The following CTNNA3 variants were observed in gnomAD, a reference collection of about 807,000 sequenced individuals.
The protein encoded by CTNNA3 is catenin alpha-3.
Under a neutral mutation model 95.7 loss-of-function variants are expected in CTNNA3, and 76 were observed. The observed-to-expected ratio is 0.79, with a 90% CI of 0.66 to 0.96. The LOEUF (loss-of-function observed/expected upper bound fraction) is 0.96. Among genes scored for constraint, CTNNA3 ranks in the 40% least tolerant of loss-of-function variants. CTNNA3 has a pLI of 0.00. For missense variants in CTNNA3, 1,191 were observed against 1,089.8 expected (o/e 1.09, Z -1.31); for synonymous variants, 431 against 374.4 (o/e 1.15, Z -1.74).
At chr10:66,850,528 A>G (rs946793575) in intron 7 of CTNNA3, among the ~76,000 whole-genome samples, 1 of 152,158 alleles carries the variant, frequency 6.6e-6, no homozygotes, top group Non-Finnish European at 1.5e-5. Flanking sequence ...TTTGTTAACC[A>G]ATGCATAGTG....
At chr10:67,596,002 T>C (rs1842923481) in intron 3 of CTNNA3, among the ~76,000 whole-genome samples, 1 of 152,192 alleles carries the variant, frequency 6.6e-6, no homozygotes, top group Non-Finnish European at 1.5e-5. Flanking sequence ...CATCCCTTTA[T>C]TTTGAACATA....
At chr10:66,671,652 G>A (rs1846666447) in intron 9 of CTNNA3, among the ~76,000 whole-genome samples, 1 of 152,118 alleles carries the variant, frequency 6.6e-6, no homozygotes, top group East Asian at 1.9e-4. Context: ...GGCAACATGA[G>A]TTTCACACAG....
intron 2 of CTNNA3, among the ~76,000 whole-genome samples, chr10:67,646,222 G>A (rs1422263914): frequency 7.1e-6 from 1 of 140,670 alleles, no homozygotes; most frequent in East Asian, 2.1e-4. Flanking sequence ...TCACTATGTT[G>A]CCCAGGCTGG....
intron 7 of CTNNA3, among the ~76,000 whole-genome samples, chr10:66,965,010 G>A (rs896595646): frequency 6.6e-5 from 10 of 152,122 alleles, no homozygotes; most frequent in Non-Finnish European, 1.0e-4. Context: ...AGATTGCCAC[G>A]TTCCACTCTT....
At chr10:67,682,426 T>C (rs922124175) in intron 1 of CTNNA3, among the ~76,000 whole-genome samples, 2 of 151,970 alleles carry the variant, frequency 1.3e-5, no homozygotes, top group African/African-American at 2.4e-5. Context: ...TTAGAAATTG[T>C]TCAACTATAC....
At chr10:66,787,657 C>T (rs911428703) in intron 7 of CTNNA3, among the ~76,000 whole-genome samples, 8 of 152,048 alleles carry the variant, frequency 5.3e-5, no homozygotes, top group African/African-American at 1.9e-4. Context: ...AGTGACAAGC[C>T]ACAACTAACG....
chr10:67,750,304 C>T lies in CTNNA3; in HGVS notation c.-2+13130G>A. On this transcript the variant is annotated intron_variant, in intron 1 of 17. Coordinates refer to the CTNNA3 transcript ENST00000684154. ...CAACCATGGCCATCTTTGTGGAGCTCAATACCAAAGCCAAGATGCCCATTG... is the reference window on the plus strand; with the variant it reads ...CAACCATGGCCATCTTTGTGGAGCTTAATACCAAAGCCAAGATGCCCATTG... 3.9e-6 allele frequency: 6 copies of T among 1,524,774 alleles called. No individual in the cohort carries two copies. In the South Asian group the frequency reaches 6.7e-5, roughly 17 times the overall value. 94.5% of individuals were successfully genotyped at this position (1,524,774 alleles called of 1,614,324 possible). A position where few individuals can be genotyped will look rare whatever the true frequency, so the allele number is the denominator to read the frequency against.
intron 7 of CTNNA3, among the ~76,000 whole-genome samples, chr10:67,038,278 T>C (rs1482366359): frequency 6.6e-6 from 1 of 152,134 alleles, no homozygotes; most frequent in African/African-American, 2.4e-5. Context: ...AAAAATGCAT[T>C]GTAAAATTAT....
chr10:66,846,467 C>CCACACA (rs34923400), intron 7 of CTNNA3, among the ~76,000 whole-genome samples: 13 of 147,614 alleles, frequency 8.8e-5, no homozygotes, highest in African/African-American at 2.5e-4. Flanking sequence ...AATGTTCTCA[C>CCACACA]CACACACACA....
intron 10 of CTNNA3, among the ~76,000 whole-genome samples, chr10:66,542,346 C>A (rs1188814252): frequency 2.6e-5 from 4 of 152,018 alleles, no homozygotes; most frequent in African/African-American, 9.7e-5. Context: ...CCTCAGGGGT[C>A]TAGAACTAGA....
chr10:65,964,372 G>T (rs2077914647), intron 17 of CTNNA3, among the ~76,000 whole-genome samples: 1 of 152,092 alleles, frequency 6.6e-6, no homozygotes, highest in African/African-American at 2.4e-5. Flanking sequence ...TGAGTGAGAT[G>T]ATGACAGATA....
chr10:66,958,480 A>G (rs1269002089), intron 7 of CTNNA3, among the ~76,000 whole-genome samples: 1 of 151,904 alleles, frequency 6.6e-6, no homozygotes, highest in Non-Finnish European at 1.5e-5. Context: ...TAAAAAAAAT[A>G]GCATATAGCT....
At position 66,562,980 on chromosome 10, in the gene CTNNA3, C is replaced by G. The variant is rs566839076; in HGVS notation, c.1375-42207G>C. Among the ~76,000 whole-genome samples, 11 of 152,026 alleles carry G rather than the reference C, an allele frequency of 7.2e-5. 1 individual carries two copies. The East Asian group carries it at 2.1e-3, about 29-fold the overall frequency. On this transcript the variant is annotated intron_variant, in intron 10 of 17. Coordinates refer to ENST00000433211, the MANE Select transcript of CTNNA3 (RefSeq NM_013266.4). The stretch of plus-strand genomic sequence containing the variant: ...GAAAATATGTAATATAAGCCTGACC[C>G]ACACATTTTAAGGGAGGATGGCTTC...
chr10:67,655,317 T>C (rs1404277603), intron 1 of CTNNA3, among the ~76,000 whole-genome samples: 1 of 152,206 alleles, frequency 6.6e-6, no homozygotes, highest in African/African-American at 2.4e-5. Flanking sequence ...TAGTTAAATA[T>C]AAAAGAGAAA....
At chr10:67,020,382 G>C (rs1345862543) in intron 7 of CTNNA3, among the ~76,000 whole-genome samples, 4 of 152,066 alleles carry the variant, frequency 2.6e-5, no homozygotes, top group African/African-American at 9.7e-5. Flanking sequence ...TGTCCCTTCT[G>C]AGCTTTTATT....
At chr10:67,621,621 C>T (rs868003013) in intron 2 of CTNNA3, among the ~76,000 whole-genome samples, 8 of 151,802 alleles carry the variant, frequency 5.3e-5, no homozygotes, top group East Asian at 1.9e-4. Flanking sequence ...TGATGGTGCA[C>T]GCCTGTAGTC....
chr10:66,430,799 C>G (rs2093287811), intron 11 of CTNNA3, among the ~76,000 whole-genome samples: 1 of 152,036 alleles, frequency 6.6e-6, no homozygotes. Context: ...CCATAAAAAC[C>G]CTGGAAGAAA....
chr10:67,273,222 A>G (rs1328070252), intron 5 of CTNNA3, among the ~76,000 whole-genome samples: 1 of 152,146 alleles, frequency 6.6e-6, no homozygotes, highest in African/African-American at 2.4e-5. Context: ...AGTGCTTACA[A>G]CTCAATAGAA....
At chr10:67,366,232 C>G (rs1180723605) in intron 5 of CTNNA3, among the ~76,000 whole-genome samples, 3 of 152,156 alleles carry the variant, frequency 2.0e-5, no homozygotes, top group African/African-American at 7.2e-5. Flanking sequence ...GAGGGAAGGA[C>G]AGCATTAGGA....
Sources: gnomAD v4.1 joint callset for allele counts (sites outside exome capture counted in the v4.1 genomes callset) on GRCh38, gnomAD v4.1.1 for gene constraint, MANE v1.5 for transcripts, NCBI Gene and HGNC (gene_info 2026-07-23, HGNC 2026-07-21) for gene names.